The following CACNB2 variants were observed in gnomAD, a reference collection of about 807,000 sequenced individuals.
CACNB2 encodes voltage-dependent L-type calcium channel subunit beta-2.
Under a neutral mutation model 73.3 loss-of-function variants are expected in CACNB2, and 42 were observed. The observed-to-expected ratio is 0.57, with a 90% CI of 0.45 to 0.74. The LOEUF is 0.74. Ranked by LOEUF, CACNB2 falls within the 30% of genes least tolerant of loss-of-function variation. The probability of loss-of-function intolerance (pLI) is 0.00; values close to 1 mark genes in which losing one functional copy is unlikely to be tolerated. For synonymous variants in CACNB2, 348 were observed against 310.3 expected (o/e 1.12, Z -1.28); for missense variants, 940 against 853.0 (o/e 1.10, Z -1.27).
At chr10:18,222,916 G>A (rs1282569246) in intron 2 of CACNB2, among the ~76,000 whole-genome samples, 5 of 152,256 alleles carry the variant, frequency 3.3e-5, no homozygotes, top group African/African-American at 1.2e-4. Flanking sequence ...CAGCCTGGGC[G>A]ACAGAGTGAG....
intron 2 of CACNB2, among the ~76,000 whole-genome samples, chr10:18,310,605 C>CAAAAAAAAAAAAAA (rs1157466238): frequency 1.6e-4 from 6 of 36,854 alleles, no homozygotes; most frequent in African/African-American, 2.5e-4. Flanking sequence ...AACTCCATCT[C>CAAAAAAAAAAAAAA]AAAAAAAAAA....
At chr10:18,150,855 C>CATTTTTTTTTTTT (rs2031465142) in intron 1 of CACNB2, 28 bp from the exon 2 acceptor site, 1 of 429,512 alleles carries the variant, frequency 2.3e-6, no homozygotes, top group East Asian at 6.8e-5. Context: ...TCTTATTTGT[C>CATTTTTTTTTTTT]TTTTTTTTTT....
chr10:18,280,128 G>T (rs879533231), intron 2 of CACNB2, among the ~76,000 whole-genome samples: 13 of 152,012 alleles, frequency 8.6e-5, no homozygotes, highest in African/African-American at 1.2e-4. Flanking sequence ...AAATTCTGGT[G>T]GCCACTTATT....
intron 3 of CACNB2, among the ~76,000 whole-genome samples, chr10:18,412,644 T>C (rs1311397266): frequency 6.6e-6 from 1 of 152,252 alleles, no homozygotes; most frequent in Non-Finnish European, 1.5e-5. Flanking sequence ...ACTTTTGTCT[T>C]GCAGGTGCTG....
chr10:18,297,609 C>T (rs956586616), intron 2 of CACNB2, among the ~76,000 whole-genome samples: 3 of 152,096 alleles, frequency 2.0e-5, no homozygotes, highest in African/African-American at 4.8e-5. Flanking sequence ...ATTTCCAGGC[C>T]GACTGAATTC....
chr10:18,436,380 G>A (rs1564545715), intron 3 of CACNB2, among the ~76,000 whole-genome samples: 1 of 152,188 alleles, frequency 6.6e-6, no homozygotes, highest in African/African-American at 2.4e-5. Context: ...TGTTCATGGA[G>A]AACAAAGCAG....
intron 2 of CACNB2, among the ~76,000 whole-genome samples, chr10:18,190,419 C>A (rs1240278941): frequency 6.6e-6 from 1 of 152,108 alleles, no homozygotes; most frequent in Non-Finnish European, 1.5e-5. Flanking sequence ...CGAGAGTGAC[C>A]CTTCTGTGTA....
chr10:18,373,635 C>G (rs970665752), intron 2 of CACNB2, among the ~76,000 whole-genome samples: 1 of 152,168 alleles, frequency 6.6e-6, no homozygotes, highest in Non-Finnish European at 1.5e-5. Context: ...TCTGTTCCTC[C>G]CATGAAGTCA....
chr10:18,428,678 A>G (rs2045729789), intron 3 of CACNB2, among the ~76,000 whole-genome samples: 1 of 86,404 alleles, frequency 1.2e-5, no homozygotes, highest in South Asian at 5.1e-4. Flanking sequence ...AAAGCGAGAC[A>G]CTGTCAAAAA....
intron 3 of CACNB2, among the ~76,000 whole-genome samples, chr10:18,445,948 C>T (rs1000651271): frequency 2.0e-5 from 3 of 152,140 alleles, no homozygotes; most frequent in South Asian, 2.1e-4. Context: ...GCAGGAGAAT[C>T]GCTTGAACCC....
intron 2 of CACNB2, among the ~76,000 whole-genome samples, chr10:18,341,736 T>G (rs2132074892): frequency 6.6e-6 from 1 of 152,338 alleles, no homozygotes; most frequent in Admixed American, 6.5e-5. Context: ...AAGTACTTCT[T>G]TTGTTTCTAA....
At position 18,225,732 on chromosome 10, in the gene CACNB2, C is replaced by T. The variant is rs756867842; in HGVS notation, c.213+74757C>T. 5.3e-5 allele frequency among the ~76,000 whole-genome samples: 8 copies of T among 151,988 alleles called. No individual in the cohort carries two copies. The South Asian group carries it at 8.3e-4, about 16-fold the overall frequency. ...ATAGCTCACGGCAACCTCCACCTCC[C>T]GGGCTCTAATGATCTTCCCACCTCA... On this transcript the variant is annotated intron_variant, in intron 2 of 13. Coordinates refer to ENST00000324631, the MANE Select transcript of CACNB2 (RefSeq NM_201596.3).
chr10:18,468,081 A>G (rs2132726782), intron 3 of CACNB2, among the ~76,000 whole-genome samples: 1 of 152,284 alleles, frequency 6.6e-6, no homozygotes, highest in East Asian at 1.9e-4. Flanking sequence ...TTTACCAGGC[A>G]CATGTTGATC....
intron 2 of CACNB2, among the ~76,000 whole-genome samples, chr10:18,299,406 G>A (rs1564415921): frequency 6.6e-6 from 1 of 152,210 alleles, no homozygotes; most frequent in Non-Finnish European, 1.5e-5. Flanking sequence ...CAGAAATTCA[G>A]TGGAGAAGGG....
At chr10:18,189,664 T>G (rs1305097857) in intron 2 of CACNB2, among the ~76,000 whole-genome samples, 15 of 152,230 alleles carry the variant, frequency 9.9e-5, no homozygotes. Flanking sequence ...TTAAAAGTAG[T>G]GCAATGGTGA....
At chr10:18,266,703 A>G (rs2037818905) in intron 2 of CACNB2, among the ~76,000 whole-genome samples, 1 of 152,162 alleles carries the variant, frequency 6.6e-6, no homozygotes, top group South Asian at 2.1e-4. Flanking sequence ...AGCCTGGACA[A>G]CAGGGTGAAA....
chr10:18,456,636 T>C (rs373960156), intron 3 of CACNB2, among the ~76,000 whole-genome samples: 1 of 152,124 alleles, frequency 6.6e-6, no homozygotes, highest in African/African-American at 2.4e-5. Context: ...GGGTCACAGA[T>C]CCAAACTGTA....
At chr10:18,232,898 C>T (rs1011138170) in intron 2 of CACNB2, among the ~76,000 whole-genome samples, 1 of 152,094 alleles carries the variant, frequency 6.6e-6, no homozygotes, top group Non-Finnish European at 1.5e-5. Context: ...CCAGCCTCAG[C>T]AACATGGAAA....
intron 2 of CACNB2, among the ~76,000 whole-genome samples, chr10:18,199,188 A>C (rs763719385): frequency 3.1e-4 from 47 of 152,220 alleles, no homozygotes; most frequent in Non-Finnish European, 5.6e-4. Context: ...AATAATTAGT[A>C]CAAACATTTA....
Sources: allele counts gnomAD v4.1 joint callset (sites outside exome capture counted in the v4.1 genomes callset), GRCh38; gene constraint gnomAD v4.1.1; transcripts MANE v1.5; gene names NCBI Gene and HGNC (gene_info 2026-07-23, HGNC 2026-07-21).